Variants in PCLO observed in about 807,000 individuals in gnomAD.
PCLO encodes the protein piccolo presynaptic cytomatrix protein.
In PCLO, 82 loss-of-function variants were observed where a neutral mutation model predicts 427.5. The ratio of observed to expected loss-of-function variants is 0.19; its 90% CI spans 0.16 to 0.23. The LOEUF is 0.23. Ranked by LOEUF, PCLO falls within the 10% of genes least tolerant of loss-of-function variation. The pLI is 1.00. For synonymous variants in PCLO, 2,357 were observed against 2,155.4 expected, an observed-to-expected ratio of 1.09 and a Z score of -2.59; for missense variants, 6,239 against 6,115.9, an observed-to-expected ratio of 1.02 and a Z score of -0.67.
At chr7:82,848,898 T>G (rs1297942500) in intron 10 of PCLO, 2 of 413,892 alleles carry the variant, frequency 4.8e-6, no homozygotes, top group Non-Finnish European at 4.9e-6. Flanking sequence ...AGATGGGCCT[T>G]AGGTTTATTT....
At chr7:83,090,068 GC>G (rs1369793030) in intron 3 of PCLO, among the ~76,000 whole-genome samples, 2 of 152,158 alleles carry the variant, frequency 1.3e-5, no homozygotes, top group African/African-American at 2.4e-5. Context: ...ACTTTGGGAG[GC>G]CGAGGTGGAC....
intron 9 of PCLO, among the ~76,000 whole-genome samples, chr7:82,894,609 A>G (rs1396099813): frequency 2.6e-5 from 4 of 151,998 alleles, no homozygotes; most frequent in African/African-American, 7.2e-5. Context: ...CCTACAACAC[A>G]CGGGAATTCA....
At chr7:82,890,084 T>C (rs1793722304) in intron 9 of PCLO, among the ~76,000 whole-genome samples, 1 of 151,734 alleles carries the variant, frequency 6.6e-6, no homozygotes, top group Non-Finnish European at 1.5e-5. Context: ...CATTTATAAG[T>C]ATACATACAA....
At chr7:83,080,253 G>C (rs895370249) in intron 3 of PCLO, among the ~76,000 whole-genome samples, 1 of 151,950 alleles carries the variant, frequency 6.6e-6, no homozygotes, top group Non-Finnish European at 1.5e-5. Flanking sequence ...GGGATTGCTG[G>C]GTCAAATGGA....
chr7:82,779,064 T>C (rs1306482987), intron 22 of PCLO, among the ~76,000 whole-genome samples: 1 of 152,154 alleles, frequency 6.6e-6, no homozygotes, highest in Non-Finnish European at 1.5e-5. Context: ...GATATTCATC[T>C]TTATGACATA....
intron 3 of PCLO, among the ~76,000 whole-genome samples, chr7:83,015,379 G>T (rs1756149715): frequency 6.6e-6 from 1 of 151,612 alleles, no homozygotes; most frequent in Non-Finnish European, 1.5e-5. Context: ...TCCTAGAGTG[G>T]GAGGGAATCT....
chr7:83,134,399 T>C lies in PCLO; in HGVS notation c.3151A>G (p.Lys1051Glu), dbSNP rs2116613772. 6.2e-7 allele frequency: 1 copy of C among 1,613,842 alleles called. No individual in the cohort carries two copies. The change falls in exon 3 of 25, where the codon AAA becomes GAA. Residue 1051 changes from lysine (K) to glutamate (E), a missense_variant. Transcript: ENST00000333891. ...QKAVLPTKLEKSPKPESTCPL... is the reference protein window; with the variant it reads ...QKAVLPTKLEESPKPESTCPL... ...CAGGTTGATTCTGGTTTGGGCGATT[T>C]CTCCAGTTTTGTGGGAAGGACAGCC...
At chr7:82,761,822 GTA>G (rs1029949453) in intron 22 of PCLO, among the ~76,000 whole-genome samples, 1 of 152,004 alleles carries the variant, frequency 6.6e-6, no homozygotes, top group African/African-American at 2.4e-5. Flanking sequence ...TTACACCAAA[GTA>G]TGTTAGACAT....
chr7:83,135,007 G>A lies in PCLO; in HGVS notation c.2543C>T (p.Pro848Leu), dbSNP rs757147395. The part of the protein sequence containing the change: ...SESKGQKQVD[P>L]VQKKEEPKKA... ...CTTGGGTTCTTCCTTCTTTTGTACG[G>A]GGTCAACTTGTTTTTGACCTTTGCT... The change falls in exon 3 of 25, where the codon CCC becomes CTC. Residue 848 changes from proline (P) to leucine (L), a missense_variant. Physicochemically the swap from Pro to Leu is moderately conservative, Grantham distance 98. Coordinates refer to ENST00000333891, the MANE Select transcript of PCLO (RefSeq NM_033026.6). The A allele has an allele frequency of 1.2e-5, 19 of 1,613,610 alleles. No homozygotes were observed. The highest frequency in any genetic ancestry group is 3.3e-5 in the Admixed American group (2 of 59,974).
intron 22 of PCLO, among the ~76,000 whole-genome samples, chr7:82,763,213 A>G (rs1790466489): frequency 6.6e-6 from 1 of 152,080 alleles, no homozygotes; most frequent in Non-Finnish European, 1.5e-5. Context: ...GCATGTTGGT[A>G]AATAAATAAA....
intron 3 of PCLO, among the ~76,000 whole-genome samples, chr7:83,058,090 T>C (rs562482968): frequency 6.6e-6 from 1 of 152,180 alleles, no homozygotes; most frequent in Non-Finnish European, 1.5e-5. Context: ...CTTTCACATG[T>C]ATTTAAGGCT....
intron 3 of PCLO, among the ~76,000 whole-genome samples, chr7:82,977,489 C>T (rs1008217187): frequency 6.6e-6 from 1 of 151,532 alleles, no homozygotes; most frequent in East Asian, 1.9e-4. Flanking sequence ...CCTTGGCTCA[C>T]ACAACCTCTG....
intron 3 of PCLO, among the ~76,000 whole-genome samples, chr7:83,121,339 T>C (rs1273867356): frequency 6.6e-6 from 1 of 152,140 alleles, no homozygotes; most frequent in Non-Finnish European, 1.5e-5. Flanking sequence ...TAGAAGGTTA[T>C]TTGTAAGTCT....
chr7:83,138,026 G>C (rs919474011), intron 2 of PCLO, among the ~76,000 whole-genome samples: 4 of 152,024 alleles, frequency 2.6e-5, no homozygotes, highest in Non-Finnish European at 5.9e-5. Context: ...TGTCAACTCT[G>C]CTGTTCTACT....
intron 3 of PCLO, among the ~76,000 whole-genome samples, chr7:83,020,249 T>C (rs1788308882): frequency 6.6e-6 from 1 of 152,142 alleles, no homozygotes; most frequent in South Asian, 2.1e-4. Context: ...TTTTGTGTTG[T>C]TGATGCATGC....
chr7:83,077,164 T>A (rs1243465436), intron 3 of PCLO, among the ~76,000 whole-genome samples: 1 of 152,052 alleles, frequency 6.6e-6, no homozygotes, highest in East Asian at 1.9e-4. Context: ...ACATATAGAG[T>A]ATAGCAAAGA....
intron 16 of PCLO, among the ~76,000 whole-genome samples, chr7:82,832,286 G>C (rs1464039096): frequency 6.6e-6 from 1 of 151,950 alleles, no homozygotes; most frequent in African/African-American, 2.4e-5. Flanking sequence ...ATGGAGTCTT[G>C]CTCTGTTGCT....
At chr7:82,773,985 G>A (rs553966582) in intron 22 of PCLO, among the ~76,000 whole-genome samples, 2 of 152,222 alleles carry the variant, frequency 1.3e-5, no homozygotes, top group South Asian at 2.1e-4. Flanking sequence ...GCTCTTACCC[G>A]GGATCCCCTC....
At chr7:82,975,553 C>T (rs1795998314) in intron 3 of PCLO, among the ~76,000 whole-genome samples, 1 of 152,118 alleles carries the variant, frequency 6.6e-6, no homozygotes. Context: ...GAACACAGTG[C>T]AATACTGTAA....
Sources: gnomAD v4.1 joint callset for allele counts (sites outside exome capture counted in the v4.1 genomes callset) on GRCh38, gnomAD v4.1.1 for gene constraint, MANE v1.5 for transcripts, NCBI Gene and HGNC (gene_info 2026-07-23, HGNC 2026-07-21) for gene names.